ZGPAT: variants seen among roughly 807,000 people sequenced by gnomAD.
ZGPAT encodes zinc finger CCCH-type with G patch domain-containing protein.
A neutral mutation model predicts 47.9 loss-of-function variants in ZGPAT; 39 were observed. That is an observed-to-expected ratio of 0.81 (90% CI 0.63 to 1.06). The LOEUF (loss-of-function observed/expected upper bound fraction) is 1.06, where lower values mean the gene tolerates loss of function less well. ZGPAT is among the 50% of genes least tolerant of loss of function. ZGPAT has a pLI of 0.00. For synonymous variants in ZGPAT, 348 were observed against 292.9 expected, an observed-to-expected ratio of 1.19 and a Z score of -1.92; for missense variants, 717 against 681.4, an observed-to-expected ratio of 1.05 and a Z score of -0.58.
intron 2 of ZGPAT, among the ~76,000 whole-genome samples, chr20:63,721,906 G>T (rs895063028): frequency 1.2e-4 from 18 of 151,728 alleles, no homozygotes; most frequent in Non-Finnish European, 1.8e-4. Flanking sequence ...TCAGCTACTC[G>T]GGAGGCTGAA....
intron 2 of ZGPAT, among the ~76,000 whole-genome samples, chr20:63,716,276 C>T (rs539170617): frequency 7.2e-5 from 11 of 152,232 alleles, no homozygotes; most frequent in Admixed American, 3.3e-4. Context: ...GTGATCCACC[C>T]GCCTCGGCCT....
chr20:63,720,115 G>A (rs1285392908), intron 2 of ZGPAT, among the ~76,000 whole-genome samples: 1 of 151,164 alleles, frequency 6.6e-6, no homozygotes, highest in Admixed American at 6.6e-5. Flanking sequence ...GCTTCCTCAG[G>A]AACAGTTTCT....
At chr20:63,728,071 T>C (rs533095822) in intron 2 of ZGPAT, among the ~76,000 whole-genome samples, 111 of 150,308 alleles carry the variant, frequency 7.4e-4, no homozygotes, top group Non-Finnish European at 1.4e-3. Context: ...AGTCTTGCTG[T>C]ATTGCCTAGG....
intron 2 of ZGPAT, among the ~76,000 whole-genome samples, chr20:63,715,517 G>A (rs1439780460): frequency 7.9e-5 from 12 of 152,114 alleles, no homozygotes; most frequent in Admixed American, 7.2e-4. Context: ...GGGATTACAG[G>A]CGTGAGCCAC....
In ZGPAT at chr20:63,735,494, G is replaced by A; in HGVS notation, c.1327G>A (p.Glu443Lys). 6.5e-7 allele frequency: 1 copy of A among 1,539,746 alleles called. No individual in the cohort carries two copies. The highest frequency in any genetic ancestry group is 1.4e-5 in the African/African-American group (1 of 72,228). Residue 443 changes from glutamate (E) to lysine (K), a missense_variant, in exon 6 of 7, where the codon GAG (glutamate) becomes AAG (lysine). Glu to Lys is a moderately conservative substitution (Grantham distance 56, BLOSUM62 1). Transcript: ENST00000355969. Reference protein sequence around the residue: ...RALSLRLFQTEEKIERTQRDI... With the variant: ...RALSLRLFQTKEKIERTQRDI... Reference sequence around the variant, plus strand: ...CCTGAGCCTGCGGCTCTTCCAGACTGAGGAGAAGATCGAGCGAACCCAGCG... The same window carrying A: ...CCTGAGCCTGCGGCTCTTCCAGACTAAGGAGAAGATCGAGCGAACCCAGCG...
intron 2 of ZGPAT, among the ~76,000 whole-genome samples, chr20:63,719,147 A>G (rs987460123): frequency 2.0e-5 from 3 of 152,008 alleles, no homozygotes; most frequent in African/African-American, 7.2e-5. Context: ...TTATTGAGGA[A>G]CATTTATATA....
At chr20:63,731,114 A>G (rs2091896970) in intron 2 of ZGPAT, among the ~76,000 whole-genome samples, 2 of 152,174 alleles carry the variant, frequency 1.3e-5, no homozygotes. Context: ...CCCCCAGCAC[A>G]TCTGCCTTGA....
At chr20:63,724,632 T>C (rs1304756002) in intron 2 of ZGPAT, among the ~76,000 whole-genome samples, 1 of 152,000 alleles carries the variant, frequency 6.6e-6, no homozygotes, top group Non-Finnish European at 1.5e-5. Flanking sequence ...TGAGTTACTG[T>C]CTAGTGTCAT....
intron 2 of ZGPAT, among the ~76,000 whole-genome samples, chr20:63,729,402 T>G (rs536468567): frequency 6.6e-6 from 1 of 152,342 alleles, no homozygotes; most frequent in South Asian, 2.1e-4. Context: ...TTAGATGTTG[T>G]TTGTTTTCAG....
chr20:63,716,322 G>A (rs572600011), intron 2 of ZGPAT, among the ~76,000 whole-genome samples: 10 of 152,240 alleles, frequency 6.6e-5, no homozygotes, highest in African/African-American at 1.7e-4. Flanking sequence ...AAGCCACCGC[G>A]TCCAGCCTTG....
chr20:63,709,858 A>G (rs183572083), intron 2 of ZGPAT, among the ~76,000 whole-genome samples: 11 of 151,758 alleles, frequency 7.2e-5, no homozygotes, highest in Non-Finnish European at 1.3e-4. Context: ...TTATATTACT[A>G]TAATTTTTTA....
intron 4 of ZGPAT, chr20:63,734,128 T>G: frequency 3.5e-6 from 1 of 287,440 alleles, no homozygotes; most frequent in Non-Finnish European, 6.6e-6. Flanking sequence ...ACAGAGGTTG[T>G]GTCCAGACAG....
In ZGPAT at chr20:63,733,739, G is replaced by A; in HGVS notation, c.871G>A (p.Val291Met). Reference sequence around the variant, plus strand: ...TACGGGTGACTCCAGCTATGCCAGAGGTATGGCAGCAGCTGCGGAGCCCAG... The same window carrying A: ...TACGGGTGACTCCAGCTATGCCAGAAGTATGGCAGCAGCTGCGGAGCCCAG... ...DGTGDSSYAR[V>M]VGSDAVDSGT... Residue 291 changes from valine (V) to methionine (M), a missense_variant and splice_region_variant, in exon 4 of 7, where the codon GTG (valine) becomes ATG (methionine). Coordinates refer to ENST00000355969, the MANE Select transcript of ZGPAT (RefSeq NM_181485.3). The A allele has an allele frequency of 6.2e-7, 1 of 1,608,478 alleles. No individual in the cohort carries two copies. Among genetic ancestry groups the A allele is most frequent in the South Asian group, 1.1e-5 (1 of 90,594 alleles).
At chr20:63,711,547 C>T (rs1300603016) in intron 2 of ZGPAT, among the ~76,000 whole-genome samples, 5 of 152,068 alleles carry the variant, frequency 3.3e-5, no homozygotes, top group African/African-American at 4.8e-5. Context: ...ATCTTACAGA[C>T]GTCCACCTTG....
In ZGPAT at chr20:63,709,160, T is replaced by A. The variant is rs1026213217; in HGVS notation, c.580T>A (p.Cys194Ser). ...GGGAAAGTGCCGCTTTAAGGAGAAC[T>A]GCAGGTAAAGCCCTTTGTTGTCAGA... ...LEGKCRFKEN[C>S]RFSHGQVVSL... Residue 194 changes from cysteine (C) to serine (S), a missense_variant, in exon 2 of 7, where the codon TGC (cysteine) becomes AGC (serine). Cys to Ser is a moderately radical substitution (Grantham distance 112). Coordinates refer to ENST00000355969, the MANE Select transcript of ZGPAT (RefSeq NM_181485.3). 22 of 1,609,440 alleles carry A rather than the reference T, an allele frequency of 1.4e-5. No homozygotes were observed. Among genetic ancestry groups the A allele is most frequent in the Non-Finnish European group, 1.9e-5 (22 of 1,180,006 alleles).
chr20:63,733,541 C>T (rs767789041), intron 3 of ZGPAT, 46 bp from the exon 4 acceptor site: 4 of 1,613,814 alleles, frequency 2.5e-6, no homozygotes, highest in Non-Finnish European at 3.4e-6. Context: ...CCTTCAGTGG[C>T]ACCTGCTGTC....
intron 2 of ZGPAT, among the ~76,000 whole-genome samples, chr20:63,732,248 C>T (rs1020610446): frequency 1.3e-4 from 19 of 141,376 alleles, no homozygotes; most frequent in Middle Eastern, 9.4e-3. Flanking sequence ...TGTGCGTGCA[C>T]GTGTGTGTGG....
At chr20:63,731,932 G>A (rs1025577833) in intron 2 of ZGPAT, among the ~76,000 whole-genome samples, 5 of 152,214 alleles carry the variant, frequency 3.3e-5, no homozygotes, top group Admixed American at 6.5e-5. Flanking sequence ...GAAGATGTGC[G>A]TAGGTTATAT....
At chr20:63,728,088 T>C (rs967487648) in intron 2 of ZGPAT, among the ~76,000 whole-genome samples, 1 of 148,400 alleles carries the variant, frequency 6.7e-6, no homozygotes, top group East Asian at 2.0e-4. Context: ...TAGGCTGGAG[T>C]GCCAGTGGTG....
Sources: gnomAD v4.1 joint callset for allele counts (sites outside exome capture counted in the v4.1 genomes callset) on GRCh38, gnomAD v4.1.1 for gene constraint, MANE v1.5 for transcripts, NCBI Gene and HGNC (gene_info 2026-07-23, HGNC 2026-07-21) for gene names.